KIAA1217: variants seen among roughly 807,000 people sequenced by gnomAD.
KIAA1217 encodes sickle tail protein homolog.
In KIAA1217, 88 loss-of-function variants were observed where a neutral mutation model predicts 163.9. That is an observed-to-expected ratio of 0.54 (90% CI 0.45 to 0.64). The LOEUF (loss-of-function observed/expected upper bound fraction) is 0.64, where lower values mean the gene tolerates loss of function less well. Ranked by LOEUF, KIAA1217 falls within the 30% of genes least tolerant of loss-of-function variation. The probability of loss-of-function intolerance (pLI) is 0.00; values close to 1 mark genes in which losing one functional copy is unlikely to be tolerated. For synonymous variants in KIAA1217, 903 were observed against 923.1 expected (o/e 0.98, Z 0.39); for missense variants, 2,372 against 2,475.0 (o/e 0.96, Z 0.88).
chr10:23,884,683 A>C (rs10764431), intron 1 of KIAA1217, among the ~76,000 whole-genome samples: 1 of 151,828 alleles, frequency 6.6e-6, no homozygotes, highest in Non-Finnish European at 1.5e-5. Flanking sequence ...GGCACTATAA[A>C]ACATAATCTC....
chr10:24,313,400 C>T (rs995571493), intron 2 of KIAA1217, among the ~76,000 whole-genome samples: 24 of 152,090 alleles, frequency 1.6e-4, no homozygotes, highest in Non-Finnish European at 3.5e-4. Context: ...GTTCTTATTT[C>T]GAGTGAGCAG....
In KIAA1217 at chr10:24,184,997, A is replaced by C. The variant is rs552801677; in HGVS notation, c.-170-34629A>C. 5.9e-5 allele frequency among the ~76,000 whole-genome samples: 9 copies of C among 152,372 alleles called. No homozygotes were observed. In the South Asian group the frequency reaches 1.9e-3, roughly 32 times the overall value. On this transcript the variant is annotated intron_variant, in intron 2 of 18. Coordinates refer to the KIAA1217 transcript ENST00000376462. ...TTATAAAATATATGTTTCTGTATGT[A>C]AAAAGAGAAAGAGATGCATAGGCTG...
At chr10:23,805,754 C>A (rs1177094277) in intron 1 of KIAA1217, among the ~76,000 whole-genome samples, 1 of 151,772 alleles carries the variant, frequency 6.6e-6, no homozygotes, top group Non-Finnish European at 1.5e-5. Flanking sequence ...TGGCTCACGC[C>A]CGTAATCCCA....
chr10:24,436,485 G>A (rs569258379), intron 4 of KIAA1217, among the ~76,000 whole-genome samples: 1 of 149,382 alleles, frequency 6.7e-6, no homozygotes, highest in Non-Finnish European at 1.5e-5. Flanking sequence ...AAGGCTGGGC[G>A]CTGTGGCTCA....
At chr10:24,426,764 G>T (rs543500665) in intron 3 of KIAA1217, among the ~76,000 whole-genome samples, 1 of 152,310 alleles carries the variant, frequency 6.6e-6, no homozygotes, top group Non-Finnish European at 1.5e-5. Flanking sequence ...ATGTATATGT[G>T]AAGCAAAGAG....
chr10:24,492,338 G>A (rs2133712904), intron 6 of KIAA1217, among the ~76,000 whole-genome samples: 1 of 152,238 alleles, frequency 6.6e-6, no homozygotes, highest in Non-Finnish European at 1.5e-5. Flanking sequence ...CTATTTTATG[G>A]CAAAGAGGGT....
At chr10:24,110,811 A>G (rs2062816957) in intron 2 of KIAA1217, among the ~76,000 whole-genome samples, 1 of 152,244 alleles carries the variant, frequency 6.6e-6, no homozygotes, top group Non-Finnish European at 1.5e-5. Context: ...TATATGGAGA[A>G]AAAATACTCA....
At chr10:24,204,926 T>C (rs1394897412), upstream of KIAA1217, among the ~76,000 whole-genome samples, 1 of 152,214 alleles carries the variant, frequency 6.6e-6, no homozygotes, top group East Asian at 1.9e-4. Flanking sequence ...GTTGAAACAC[T>C]TTTGTTGACT....
intron 1 of KIAA1217, among the ~76,000 whole-genome samples, chr10:23,850,590 A>G (rs1392835853): frequency 6.6e-6 from 1 of 152,118 alleles, no homozygotes; most frequent in Non-Finnish European, 1.5e-5. Context: ...CTTTCAACAA[A>G]TGTTTGTTGA....
chr10:23,739,162 G>T (rs1055865902), intron 1 of KIAA1217, among the ~76,000 whole-genome samples: 2 of 152,140 alleles, frequency 1.3e-5, no homozygotes, highest in African/African-American at 4.8e-5. Flanking sequence ...AAAGTCAAAT[G>T]CCACATATTC....
intron 1 of KIAA1217, among the ~76,000 whole-genome samples, chr10:23,735,970 C>T (rs1352419880): frequency 6.6e-6 from 1 of 152,146 alleles, no homozygotes; most frequent in Non-Finnish European, 1.5e-5. Flanking sequence ...AGTGGAATGG[C>T]TGTGTATATG....
At chr10:24,539,820 A>AT (rs1038227462) in intron 17 of KIAA1217, among the ~76,000 whole-genome samples, 2 of 152,054 alleles carry the variant, frequency 1.3e-5, no homozygotes, top group African/African-American at 4.8e-5. Context: ...TTTCTTAAGC[A>AT]TTTTTTCTCC....
chr10:24,229,235 C>T (rs1018833266), intron 2 of KIAA1217, among the ~76,000 whole-genome samples: 2 of 152,160 alleles, frequency 1.3e-5, no homozygotes, highest in African/African-American at 2.4e-5. Flanking sequence ...TTCAGTAAGT[C>T]GCAGCCTTTG....
At chr10:24,531,752 G>T in intron 14 of KIAA1217, 78 bp from the exon 15 acceptor site, 1 of 1,362,486 alleles carries the variant, frequency 7.3e-7, no homozygotes, top group Non-Finnish European at 9.8e-7. Context: ...GATTGCATTG[G>T]GTTTGTAGCA....
chr10:24,114,379 GCTGA>G (rs1405507336), intron 2 of KIAA1217, among the ~76,000 whole-genome samples: 2 of 151,922 alleles, frequency 1.3e-5, no homozygotes, highest in Non-Finnish European at 2.9e-5. Flanking sequence ...AAAAAAAAAT[GCTGA>G]CTGAGTCTAT....
intron 2 of KIAA1217, among the ~76,000 whole-genome samples, chr10:24,141,184 A>G (rs1022694927): frequency 1.3e-5 from 2 of 150,910 alleles, no homozygotes; most frequent in Non-Finnish European, 3.0e-5. Context: ...TTCTGGCTCA[A>G]GGAGCAAAAA....
At chr10:23,893,892 A>G (rs1841541759) in intron 1 of KIAA1217, among the ~76,000 whole-genome samples, 1 of 152,074 alleles carries the variant, frequency 6.6e-6, no homozygotes. Flanking sequence ...CAAAAACCAC[A>G]TGATTATCTC....
At chr10:24,026,737 CA>C (rs1847955247) in intron 2 of KIAA1217, among the ~76,000 whole-genome samples, 1 of 91,168 alleles carries the variant, frequency 1.1e-5, no homozygotes. Context: ...TTATCTATTT[CA>C]TTGATTTTTT....
intron 2 of KIAA1217, among the ~76,000 whole-genome samples, chr10:24,346,566 C>A (rs971334948): frequency 1.4e-5 from 2 of 144,986 alleles, no homozygotes; most frequent in African/African-American, 5.1e-5. Flanking sequence ...GTTTTGTTGG[C>A]CCTTTTTTTT....
Sources: allele counts gnomAD v4.1 joint callset (sites outside exome capture counted in the v4.1 genomes callset), GRCh38; gene constraint gnomAD v4.1.1; transcripts MANE v1.5; gene names NCBI Gene and HGNC (gene_info 2026-07-23, HGNC 2026-07-21).